Variants in TAMM41 observed in about 807,000 individuals in gnomAD.
TAMM41 encodes the protein TAM41 mitochondrial translocator assembly and maintenance homolog.
In TAMM41, 36 loss-of-function variants were observed where a neutral mutation model predicts 44.1. The observed-to-expected ratio is 0.82, with a 90% CI of 0.63 to 1.08. TAMM41 has a LOEUF of 1.08. Ranked by LOEUF, TAMM41 falls within the 50% of genes least tolerant of loss-of-function variation. TAMM41 has a pLI of 0.00. For missense variants in TAMM41, 417 were observed against 404.3 expected, an observed-to-expected ratio of 1.03 and a Z score of -0.27; for synonymous variants, 164 against 153.1, an observed-to-expected ratio of 1.07 and a Z score of -0.53.
intron 4 of TAMM41, 56 bp downstream of exon 4, chr3:11,829,658 A>G: frequency 6.3e-7 from 1 of 1,588,890 alleles, no homozygotes; most frequent in Non-Finnish European, 8.6e-7. Context: ...GGATATCCGC[A>G]GTCTTCAAAT....
chr3:11,807,060 T>A, intron 7 of TAMM41: 1 of 618,846 alleles, frequency 1.6e-6, no homozygotes, highest in Non-Finnish European at 2.0e-6. Flanking sequence ...CATGTTCCCC[T>A]TCTCAGGAAA....
At chr3:11,756,374 T>G in the TAMM41 span, among the ~76,000 whole-genome samples, 5 of 152,212 alleles carry the variant, frequency 3.3e-5, no homozygotes, top group African/African-American at 9.6e-5. Flanking sequence ...AGGCAGGACC[T>G]GTCATTTACT....
intron 2 of TAMM41, among the ~76,000 whole-genome samples, chr3:11,840,596 C>A (rs2125062258): frequency 6.6e-6 from 1 of 151,914 alleles, no homozygotes; most frequent in Admixed American, 6.6e-5. Flanking sequence ...ATGCGACAGG[C>A]AGGAAGAACC....
At chr3:11,825,999 T>A (rs1324006241) in intron 4 of TAMM41, among the ~76,000 whole-genome samples, 1 of 152,120 alleles carries the variant, frequency 6.6e-6, no homozygotes, top group Admixed American at 6.6e-5. Flanking sequence ...GGAGAACACA[T>A]CCAAGGAAGT....
intron 3 of TAMM41, among the ~76,000 whole-genome samples, chr3:11,836,457 T>C (rs1023654420): frequency 6.6e-6 from 1 of 152,134 alleles, no homozygotes; most frequent in Non-Finnish European, 1.5e-5. Flanking sequence ...TCAAGCTATA[T>C]ATTATGTTTT....
downstream of TAMM41, among the ~76,000 whole-genome samples, chr3:11,785,456 G>A (rs984479380): frequency 2.0e-5 from 3 of 152,150 alleles, no homozygotes; most frequent in Non-Finnish European, 2.9e-5. Context: ...CTCCTGAGTA[G>A]ATGGGACTAC....
the TAMM41 span, among the ~76,000 whole-genome samples, chr3:11,770,478 G>A: frequency 1.4e-4 from 22 of 152,298 alleles, no homozygotes; most frequent in Admixed American, 3.3e-4. Context: ...TAATGAGGTC[G>A]ACTTGCAAGC....
At chr3:11,725,289 CCTTCTTCTCCTCCTCCTTTTTTT>C in the TAMM41 span, among the ~76,000 whole-genome samples, 145 of 105,910 alleles carry the variant, frequency 1.4e-3, 2 homozygotes, top group African/African-American at 3.5e-3. Flanking sequence ...TCCTCCTTCT[CCTTCTTCTCCTCCTCCTTTTTTT>C]CTTCTCCTCC....
At chr3:11,750,022 G>T in the TAMM41 span, among the ~76,000 whole-genome samples, 7 of 150,368 alleles carry the variant, frequency 4.7e-5, no homozygotes, top group South Asian at 1.5e-3. Flanking sequence ...TCAGCCTCCC[G>T]AGTAGCTGGG....
At chr3:11,772,371 G>A in the TAMM41 span, among the ~76,000 whole-genome samples, 18 of 151,826 alleles carry the variant, frequency 1.2e-4, no homozygotes, top group South Asian at 1.9e-3. Context: ...GTGAGCCACC[G>A]TGCCCAGCCC....
chr3:11,815,652 G>A (rs1472506082), intron 5 of TAMM41, among the ~76,000 whole-genome samples: 1 of 152,116 alleles, frequency 6.6e-6, no homozygotes, highest in Non-Finnish European at 1.5e-5. Flanking sequence ...GGTAGAAGGG[G>A]AAGAGAATGT....
chr3:11,797,848 C>T (rs571376062), intron 7 of TAMM41, among the ~76,000 whole-genome samples: 25 of 152,248 alleles, frequency 1.6e-4, no homozygotes, highest in African/African-American at 6.0e-4. Context: ...CATGAACAGA[C>T]ACTTTTCAAA....
chr3:11,804,882 TG>T (rs1359460964), intron 7 of TAMM41, among the ~76,000 whole-genome samples: 7 of 150,002 alleles, frequency 4.7e-5, no homozygotes, highest in Non-Finnish European at 1.0e-4. Flanking sequence ...TTTTTTTTTT[TG>T]AGACAGGGTC....
intron 5 of TAMM41, among the ~76,000 whole-genome samples, chr3:11,813,973 TACAC>T (rs771693321): frequency 3.6e-5 from 5 of 140,098 alleles, no homozygotes; most frequent in South Asian, 2.2e-4. Context: ...TATACACACA[TACAC>T]ACACACCTGT....
chr3:11,728,051 C>T, the TAMM41 span, among the ~76,000 whole-genome samples: 4 of 152,036 alleles, frequency 2.6e-5, no homozygotes, highest in East Asian at 1.9e-4. Flanking sequence ...CCTCCCAAAG[C>T]GCTGGGATTA....
intron 7 of TAMM41, among the ~76,000 whole-genome samples, chr3:11,804,775 C>T (rs1257012884): frequency 1.3e-5 from 2 of 152,188 alleles, no homozygotes; most frequent in South Asian, 4.2e-4. Flanking sequence ...AAGCCATGCA[C>T]CCAAATGGTA....
At chr3:11,773,493 T>C in the TAMM41 span, among the ~76,000 whole-genome samples, 1 of 152,078 alleles carries the variant, frequency 6.6e-6, no homozygotes, top group African/African-American at 2.4e-5. Context: ...AGTGCTAGGA[T>C]TACAGGCGTG....
the TAMM41 span, among the ~76,000 whole-genome samples, chr3:11,771,740 G>A: frequency 2.0e-5 from 3 of 150,890 alleles, no homozygotes; most frequent in East Asian, 2.0e-4. Flanking sequence ...CCGCCACCAC[G>A]CCCGGCTAAT....
the TAMM41 span, among the ~76,000 whole-genome samples, chr3:11,757,871 C>T: frequency 2.0e-5 from 3 of 152,082 alleles, no homozygotes; most frequent in Admixed American, 6.6e-5. Flanking sequence ...GCTCAGGAGG[C>T]GTTGGTGAAT....
Sources: gnomAD v4.1 joint callset for allele counts (sites outside exome capture counted in the v4.1 genomes callset) on GRCh38, gnomAD v4.1.1 for gene constraint, MANE v1.5 for transcripts, NCBI Gene and HGNC (gene_info 2026-07-23, HGNC 2026-07-21) for gene names.